Variants in MEGF11 observed in about 807,000 individuals in gnomAD.
The protein encoded by MEGF11 is multiple EGF like domains 11.
A neutral mutation model predicts 146.6 loss-of-function variants in MEGF11; 126 were observed. The observed-to-expected ratio is 0.86, with a 90% CI of 0.74 to 1.00. The LOEUF (loss-of-function observed/expected upper bound fraction) is 1.00, where lower values mean the gene tolerates loss of function less well. MEGF11 is among the 50% of genes least tolerant of loss of function. The pLI is 0.00. For missense variants in MEGF11, 1,509 were observed against 1,521.2 expected (o/e 0.99, Z 0.13); for synonymous variants, 532 against 583.4 (o/e 0.91, Z 1.27).
In MEGF11 at chr15:65,896,951, G is replaced by A. The variant is rs1326786178; in HGVS notation, c.*983C>T. On this transcript the variant is annotated 3_prime_UTR_variant, in exon 26 of 26. Coordinates refer to ENST00000395614, the MANE Select transcript of MEGF11 (RefSeq NM_001385028.1). ...TGTCCAATTTCCTGTATACTTTTAG[G>A]TTTCATACTACGTCAATCTCAAGAT... The A allele has an allele frequency of 6.6e-6, 1 of 152,106 alleles. No individual in the cohort carries two copies. The highest frequency in any genetic ancestry group is 2.4e-5 in the African/African-American group (1 of 41,420). The allele number at this position is 152,106 out of a possible 1,614,324, so 9.4% of individuals were successfully genotyped here.
chr15:66,185,112 C>A (rs1157945910), intron 1 of MEGF11, among the ~76,000 whole-genome samples: 1 of 152,158 alleles, frequency 6.6e-6, no homozygotes, highest in Non-Finnish European at 1.5e-5. Context: ...ATACTCGTTT[C>A]TTGAAAGAAT....
rs117108994 is a variant in MEGF11 at position 65,968,813 on chromosome 15, C to T, written c.899+1740G>A. Among the ~76,000 whole-genome samples, 6 of 152,314 alleles carry T rather than the reference C, an allele frequency of 3.9e-5. No individual in the cohort carries two copies. In the East Asian group the frequency reaches 1.2e-3, roughly 29 times the overall value. On this transcript the variant is annotated intron_variant, in intron 8 of 25. Coordinates refer to ENST00000395614, the MANE Select transcript of MEGF11 (RefSeq NM_001385028.1). ...ATTACAAAATGAGCTGCAAAGCCCT[C>T]GTTACATTTCGTGTTTAATTTGCAC...
At chr15:65,962,676 A>T (rs915698197) in intron 9 of MEGF11, among the ~76,000 whole-genome samples, 33 of 152,180 alleles carry the variant, frequency 2.2e-4, no homozygotes, top group African/African-American at 7.0e-4. Context: ...TGGGCTGTTT[A>T]AGATGAGTTC....
intron 5 of MEGF11, among the ~76,000 whole-genome samples, chr15:66,079,890 A>G (rs934085433): frequency 2.6e-5 from 4 of 152,136 alleles, no homozygotes; most frequent in Non-Finnish European, 4.4e-5. Flanking sequence ...ATCCTGACAA[A>G]GGTCTGGGCT....
chr15:66,108,772 A>C (rs2087232474), intron 4 of MEGF11, among the ~76,000 whole-genome samples: 1 of 152,230 alleles, frequency 6.6e-6, no homozygotes, highest in African/African-American at 2.4e-5. Context: ...AACGCCCAAC[A>C]AGGACCAGAC....
intron 1 of MEGF11, among the ~76,000 whole-genome samples, chr15:66,184,222 C>T (rs2087717263): frequency 6.6e-6 from 1 of 152,098 alleles, no homozygotes. Context: ...GTTTAATATG[C>T]ATCAATTATA....
chr15:66,006,681 G>T (rs2082530297), intron 5 of MEGF11, among the ~76,000 whole-genome samples: 1 of 152,170 alleles, frequency 6.6e-6, no homozygotes. Flanking sequence ...TTTTGTTCCA[G>T]TCTATATCCC....
rs1397519899 is a variant in MEGF11 at position 66,059,651 on chromosome 15, G to A, written c.394+34751C>T. On this transcript the variant is annotated intron_variant, in intron 5 of 25. Coordinates refer to ENST00000395614, the MANE Select transcript of MEGF11 (RefSeq NM_001385028.1). ...CAGGTTCTTAAATTCAGAGAAATAT[G>A]AACTGTGCTGGCTGAGGAGTGGAGA... 2.7e-5 allele frequency among the ~76,000 whole-genome samples: 4 copies of A among 146,228 alleles called. No homozygotes were observed. The East Asian group carries it at 8.8e-4, about 32-fold the overall frequency.
chr15:66,029,485 C>T (rs183874220), intron 5 of MEGF11, among the ~76,000 whole-genome samples: 8 of 152,328 alleles, frequency 5.3e-5, no homozygotes, highest in South Asian at 2.1e-4. Flanking sequence ...TTATTAATAG[C>T]ACTCTTCAGT....
chr15:66,211,394 G>T (rs936667182), intron 1 of MEGF11, among the ~76,000 whole-genome samples: 1 of 152,072 alleles, frequency 6.6e-6, no homozygotes, highest in Non-Finnish European at 1.5e-5. Flanking sequence ...CATGGTGGCA[G>T]GCACCTGTAG....
chr15:65,965,365 T>C (rs2081031390), intron 8 of MEGF11: 1 of 437,004 alleles, frequency 2.3e-6, no homozygotes, highest in African/African-American at 2.0e-5. Context: ...TGTACCACCA[T>C]ATTTTATTGA....
At chr15:66,152,526 T>C (rs1287064131) in intron 1 of MEGF11, among the ~76,000 whole-genome samples, 1 of 152,218 alleles carries the variant, frequency 6.6e-6, no homozygotes, top group Admixed American at 6.5e-5. Flanking sequence ...CCCTGATATC[T>C]GAAAGGCCTT....
intron 5 of MEGF11, among the ~76,000 whole-genome samples, chr15:66,082,192 G>A (rs2085885767): frequency 6.6e-6 from 1 of 151,996 alleles, no homozygotes; most frequent in Non-Finnish European, 1.5e-5. Context: ...CTGCTTGATA[G>A]TTGGGTGAAT....
At chr15:65,916,712 C>T (rs1483574165) in intron 17 of MEGF11, 116 bp downstream of exon 17, 1 of 1,519,958 alleles carries the variant, frequency 6.6e-7, no homozygotes. Flanking sequence ...CAGGTACCAC[C>T]AGTCCTGGGG....
intron 10 of MEGF11, among the ~76,000 whole-genome samples, chr15:65,931,470 C>T (rs144053554): frequency 7.7e-4 from 118 of 152,326 alleles, no homozygotes; most frequent in African/African-American, 2.8e-3. Context: ...GCTTCAGCCT[C>T]GTGAAACCCA....
chr15:65,913,089 T>G (rs2078867341), intron 20 of MEGF11, among the ~76,000 whole-genome samples: 3 of 152,078 alleles, frequency 2.0e-5, no homozygotes, highest in Admixed American at 2.0e-4. Flanking sequence ...CAGTCCAGGG[T>G]TCAGGGGAAA....
chr15:66,193,596 C>A (rs999016901), intron 1 of MEGF11, among the ~76,000 whole-genome samples: 2 of 152,024 alleles, frequency 1.3e-5, no homozygotes, highest in African/African-American at 4.8e-5. Flanking sequence ...ATCAAAAATA[C>A]AGTATTTGTG....
chr15:66,224,908 C>G lies in MEGF11; in HGVS notation c.-9+28697G>C, dbSNP rs527938128. Among the ~76,000 whole-genome samples the G allele has an allele frequency of 1.5e-3, 223 of 152,174 alleles. 1 individual carries two copies. The highest frequency in any genetic ancestry group is 5.3e-3 in the African/African-American group (218 of 41,520). On this transcript the variant is annotated intron_variant, in intron 1 of 25. Transcript: ENST00000395614. The stretch of plus-strand genomic sequence containing the variant: ...ATCTCAATCAGCACCCCCAAGCACT[C>G]ATTTCTCCTTGAGCTGCACAGTTCT...
intron 1 of MEGF11, among the ~76,000 whole-genome samples, chr15:66,153,575 AAAAG>A (rs2089646705): frequency 2.8e-5 from 2 of 70,384 alleles, no homozygotes; most frequent in South Asian, 1.0e-3. Flanking sequence ...TCCATCTCAA[AAAAG>A]AAAAAGAAAA....
Sources: gnomAD v4.1 joint callset for allele counts (sites outside exome capture counted in the v4.1 genomes callset) on GRCh38, gnomAD v4.1.1 for gene constraint, MANE v1.5 for transcripts, NCBI Gene and HGNC (gene_info 2026-07-23, HGNC 2026-07-21) for gene names.